Variants in DENND1A observed in about 807,000 individuals in gnomAD.
DENND1A encodes the protein DENN domain containing 1A.
Under a neutral mutation model 113.7 loss-of-function variants are expected in DENND1A, and 51 were observed. The observed-to-expected ratio is 0.45, with a 90% confidence interval of 0.36 to 0.57. DENND1A has a LOEUF of 0.57. DENND1A is among the 20% of genes least tolerant of loss of function. The pLI, the probability that DENND1A is intolerant of heterozygous loss-of-function variation, is 0.00. For missense variants in DENND1A, 1,258 were observed against 1,395.9 expected (o/e 0.90, Z 1.57); for synonymous variants, 565 against 570.8 (o/e 0.99, Z 0.14).
At chr9:123,452,449 T>C in intron 16 of DENND1A, 102 bp from the exon 17 acceptor site, 1 of 938,040 alleles carries the variant, frequency 1.1e-6, no homozygotes, top group South Asian at 1.4e-5. Context: ...ATTTCAAAGG[T>C]ATGTAAATGC....
At chr9:123,578,046 T>C (rs2058712932) in intron 12 of DENND1A, among the ~76,000 whole-genome samples, 1 of 152,206 alleles carries the variant, frequency 6.6e-6, no homozygotes, top group African/African-American at 2.4e-5. Context: ...GTCAGGAGTT[T>C]TACCCTACAT....
intron 13 of DENND1A, chr9:123,485,678 A>G (rs939918132): frequency 2.8e-5 from 4 of 144,808 alleles, no homozygotes; most frequent in Non-Finnish European, 4.6e-5. Context: ...ACACACACAC[A>G]CACACACACA....
At chr9:123,408,444 C>T (rs116787232) in intron 20 of DENND1A, among the ~76,000 whole-genome samples, 3,038 of 152,332 alleles carry the variant, frequency 0.02, 56 homozygotes, top group African/African-American at 0.041. Context: ...AGGTGCTATA[C>T]ATACACAACC....
At chr9:123,542,711 G>T (rs2056378345) in intron 13 of DENND1A, among the ~76,000 whole-genome samples, 1 of 152,018 alleles carries the variant, frequency 6.6e-6, no homozygotes, top group African/African-American at 2.4e-5. Context: ...TGGGTGGGCT[G>T]TCTAGCAATG....
chr9:123,814,253 A>G (rs1273005262), intron 2 of DENND1A, among the ~76,000 whole-genome samples: 2 of 152,178 alleles, frequency 1.3e-5, no homozygotes, highest in Non-Finnish European at 2.9e-5. Flanking sequence ...CAATTCTATT[A>G]TAAAAATTCA....
At chr9:123,820,432 A>G (rs568649125) in intron 2 of DENND1A, among the ~76,000 whole-genome samples, 1 of 152,226 alleles carries the variant, frequency 6.6e-6, no homozygotes, top group Non-Finnish European at 1.5e-5. Context: ...GAGAGGCCAC[A>G]TGGACAATGA....
chr9:123,731,093 C>T (rs1013377553), intron 5 of DENND1A, among the ~76,000 whole-genome samples: 2 of 151,692 alleles, frequency 1.3e-5, no homozygotes, highest in African/African-American at 4.8e-5. Context: ...CATCACACAC[C>T]GGGGTCTGTT....
At chr9:123,542,785 T>C (rs1443440089) in intron 13 of DENND1A, among the ~76,000 whole-genome samples, 1 of 152,142 alleles carries the variant, frequency 6.6e-6, no homozygotes, top group Admixed American at 6.5e-5. Flanking sequence ...TGTGGTCAAG[T>C]GACCCTGGCC....
At chr9:123,720,395 A>G (rs2067255123) in intron 5 of DENND1A, among the ~76,000 whole-genome samples, 1 of 152,198 alleles carries the variant, frequency 6.6e-6, no homozygotes, top group South Asian at 2.1e-4. Context: ...CCCCAAATGA[A>G]CAAAGGTAAA....
intron 2 of DENND1A, among the ~76,000 whole-genome samples, chr9:123,846,692 A>G (rs1842670353): frequency 6.6e-6 from 1 of 152,238 alleles, no homozygotes; most frequent in Non-Finnish European, 1.5e-5. Context: ...ACCAGAGGTT[A>G]GGAAGGAAGG....
At chr9:123,905,999 C>T (rs1464315528) in intron 1 of DENND1A, among the ~76,000 whole-genome samples, 10 of 151,748 alleles carry the variant, frequency 6.6e-5, no homozygotes, top group East Asian at 1.9e-4. Context: ...GAGATTATAA[C>T]AAACTATCTC....
At chr9:123,613,921 T>A (rs186564034) in intron 10 of DENND1A, among the ~76,000 whole-genome samples, 1 of 152,328 alleles carries the variant, frequency 6.6e-6, no homozygotes, top group Non-Finnish European at 1.5e-5. Context: ...AAAGTGACTC[T>A]TTTTTCCTTC....
intron 1 of DENND1A, among the ~76,000 whole-genome samples, chr9:123,914,695 G>A (rs111791199): frequency 0.016 from 2,483 of 152,056 alleles, 65 homozygotes; most frequent in African/African-American, 0.056. Context: ...AGGTGACAGG[G>A]AGCCAGCGTG....
chr9:123,893,067 C>A (rs1170119009), intron 1 of DENND1A, among the ~76,000 whole-genome samples: 1 of 151,740 alleles, frequency 6.6e-6, no homozygotes, highest in Non-Finnish European at 1.5e-5. Flanking sequence ...CATGGTGGCT[C>A]ATGGCCCACT....
chr9:123,927,782 T>C (rs1857354788), intron 1 of DENND1A, among the ~76,000 whole-genome samples: 1 of 152,136 alleles, frequency 6.6e-6, no homozygotes, highest in African/African-American at 2.4e-5. Context: ...CCTGCACACT[T>C]AGATTTCACC....
chr9:123,493,950 TA>T (rs1306296953), intron 13 of DENND1A, among the ~76,000 whole-genome samples: 1 of 152,200 alleles, frequency 6.6e-6, no homozygotes, highest in African/African-American at 2.4e-5. Flanking sequence ...TCTAGGACTC[TA>T]AAAAGACTCT....
chr9:123,716,873 C>T (rs1221619493), intron 5 of DENND1A, among the ~76,000 whole-genome samples: 1 of 152,084 alleles, frequency 6.6e-6, no homozygotes, highest in Middle Eastern at 3.2e-3. Context: ...TTAAACTCCT[C>T]AATAAACAAT....
At chr9:123,459,753 A>C (rs4072515) in intron 13 of DENND1A, among the ~76,000 whole-genome samples, 144,688 of 151,876 alleles carry the variant, frequency 0.95, 69,239 homozygotes, top group Non-Finnish European at 1. Context: ...CCACTTTTAT[A>C]CTATTTTAAT....
At chr9:123,477,390 ATT>A (rs760921029) in intron 13 of DENND1A, among the ~76,000 whole-genome samples, 3 of 145,162 alleles carry the variant, frequency 2.1e-5, no homozygotes, top group Admixed American at 1.4e-4. Flanking sequence ...ATCTCTATAA[ATT>A]TTTTTTTTTT....
Sources: allele counts gnomAD v4.1 joint callset (sites outside exome capture counted in the v4.1 genomes callset), GRCh38; gene constraint gnomAD v4.1.1; transcripts MANE v1.5; gene names NCBI Gene and HGNC (gene_info 2026-07-23, HGNC 2026-07-21).